The following FOXJ3 variants were observed in gnomAD, a reference collection of about 807,000 sequenced individuals.
The protein encoded by FOXJ3 is forkhead box protein J3.
In FOXJ3, 22 loss-of-function variants were observed where a neutral mutation model predicts 76.1. That is an observed-to-expected ratio of 0.29 (90% CI 0.21 to 0.41). The LOEUF (loss-of-function observed/expected upper bound fraction) is 0.41, where lower values mean the gene tolerates loss of function less well. Among genes scored for constraint, FOXJ3 ranks in the 10% least tolerant of loss-of-function variants. The pLI, the probability that FOXJ3 is intolerant of heterozygous loss-of-function variation, is 1.00. For synonymous variants in FOXJ3, 269 were observed against 261.2 expected (o/e 1.03, Z -0.29); for missense variants, 613 against 762.1 (o/e 0.80, Z 2.30).
chr1:42,325,112 A>G (rs979485999), intron 1 of FOXJ3, among the ~76,000 whole-genome samples: 1 of 152,216 alleles, frequency 6.6e-6, no homozygotes, highest in African/African-American at 2.4e-5. Context: ...CACAGTGTTA[A>G]GTATAGAGGA....
chr1:42,291,076 AGATAGAT>A (rs1247888832), intron 2 of FOXJ3, among the ~76,000 whole-genome samples: 68 of 108,990 alleles, frequency 6.2e-4, no homozygotes, highest in East Asian at 5.8e-4. Context: ...ATAGATAGAT[AGATAGAT>A]AGACAGACAG....
intron 2 of FOXJ3, among the ~76,000 whole-genome samples, chr1:42,284,440 C>T (rs1652923978): frequency 6.6e-6 from 1 of 152,146 alleles, no homozygotes; most frequent in African/African-American, 2.4e-5. Context: ...GAGAAATAAA[C>T]TTTGATTAGA....
chr1:42,191,771 C>T, intron 8 of FOXJ3, 52 bp from the exon 9 acceptor site: 4 of 1,568,770 alleles, frequency 2.5e-6, no homozygotes, highest in Non-Finnish European at 3.5e-6. Context: ...TATTTTATGA[C>T]AAACATTTGT....
intron 4 of FOXJ3, among the ~76,000 whole-genome samples, chr1:42,239,975 G>T (rs1207827584): frequency 1.3e-5 from 2 of 152,122 alleles, no homozygotes; most frequent in Non-Finnish European, 2.9e-5. Context: ...TGTAGTAGAT[G>T]ATTTTAAAGG....
At chr1:42,321,803 A>G (rs143025269) in intron 1 of FOXJ3, among the ~76,000 whole-genome samples, 81 of 152,282 alleles carry the variant, frequency 5.3e-4, no homozygotes, top group African/African-American at 1.9e-3. Context: ...CTCAAGAGGA[A>G]ACCAAACGTG....
chr1:42,277,580 G>A lies in FOXJ3; in HGVS notation c.369+768C>T, dbSNP rs868599982. On this transcript the variant is annotated intron_variant, in intron 3 of 12. Coordinates refer to ENST00000361346, the MANE Select transcript of FOXJ3 (RefSeq NM_014947.5). The stretch of plus-strand genomic sequence containing the variant: ...TGGGAGGCCGAGGCGGGCGGATCAC[G>A]AGGTCAGGAGATCGAGACCATCCCG... Among the ~76,000 whole-genome samples, 4 of 28,968 alleles carry A rather than the reference G, an allele frequency of 1.4e-4. 2 individuals carry two copies. Among genetic ancestry groups the A allele is most frequent in the African/African-American group, 4.0e-4 (4 of 10,032 alleles). 19.0% of individuals were successfully genotyped at this position (28,968 alleles called of 152,430 possible).
chr1:42,200,436 G>C (rs1026953411), intron 6 of FOXJ3, among the ~76,000 whole-genome samples: 8 of 151,752 alleles, frequency 5.3e-5, no homozygotes, highest in Non-Finnish European at 1.0e-4. Flanking sequence ...TATGTATTTG[G>C]AAGTATAAAT....
intron 2 of FOXJ3, among the ~76,000 whole-genome samples, chr1:42,310,511 G>T (rs556242139): frequency 1.3e-5 from 2 of 149,828 alleles, no homozygotes; most frequent in African/African-American, 4.9e-5. Context: ...GCAGTGGCAC[G>T]ATCTCAGCTG....
intron 1 of FOXJ3, among the ~76,000 whole-genome samples, chr1:42,318,893 T>C (rs1342105285): frequency 6.6e-6 from 1 of 152,014 alleles, no homozygotes; most frequent in African/African-American, 2.4e-5. Context: ...CACAGACAAA[T>C]CTGCACAAGA....
At chr1:42,197,101 C>T (rs1646666078) in intron 7 of FOXJ3, among the ~76,000 whole-genome samples, 2 of 152,106 alleles carry the variant, frequency 1.3e-5, no homozygotes, top group Non-Finnish European at 2.9e-5. Context: ...CTTTCTCTTG[C>T]CTTCACATAT....
Position 42,191,736 on chromosome 1 carries a change from A to AT in FOXJ3, c.935-18dup, listed in dbSNP as rs1646553058. 1 of 1,602,562 alleles carries AT rather than the reference A, an allele frequency of 6.2e-7. No homozygotes were observed. Among genetic ancestry groups the AT allele is most frequent in the Admixed American group, 1.7e-5 (1 of 59,728 alleles). Reference sequence around the variant, plus strand: ...TCATCAAACCTAAAAACAAAGCAAGATCATTTATGGTCAGATTTCAGTTGT... The same window carrying AT: ...TCATCAAACCTAAAAACAAAGCAAGATTCATTTATGGTCAGATTTCAGTTGT... On this transcript the variant is annotated splice_polypyrimidine_tract_variant and intron_variant, in intron 8 of 12. Coordinates refer to ENST00000361346, the MANE Select transcript of FOXJ3 (RefSeq NM_014947.5).
At chr1:42,322,861 A>C (rs1379940313) in intron 1 of FOXJ3, among the ~76,000 whole-genome samples, 1 of 152,208 alleles carries the variant, frequency 6.6e-6, no homozygotes, top group Non-Finnish European at 1.5e-5. Flanking sequence ...AACAGTATCC[A>C]GAAAAGGAGG....
chr1:42,232,910 G>C (rs1330826107), intron 4 of FOXJ3, among the ~76,000 whole-genome samples: 1 of 151,864 alleles, frequency 6.6e-6, no homozygotes, highest in African/African-American at 2.4e-5. Flanking sequence ...TTTTCTTCTA[G>C]GGTTTTTATG....
At chr1:42,320,529 T>C (rs1655368895) in intron 1 of FOXJ3, among the ~76,000 whole-genome samples, 1 of 152,184 alleles carries the variant, frequency 6.6e-6, no homozygotes, top group Non-Finnish European at 1.5e-5. Context: ...AAAAGGTATA[T>C]GAAATTAGAT....
At chr1:42,188,559 C>A (rs1448306521) in intron 11 of FOXJ3, among the ~76,000 whole-genome samples, 178 bp downstream of exon 11, 2 of 152,192 alleles carry the variant, frequency 1.3e-5, no homozygotes, top group Non-Finnish European at 2.9e-5. Flanking sequence ...CTCATTACCT[C>A]AATTTTTCTA....
At chr1:42,297,700 T>C (rs1653876374) in intron 2 of FOXJ3, among the ~76,000 whole-genome samples, 1 of 152,190 alleles carries the variant, frequency 6.6e-6, no homozygotes, top group South Asian at 2.1e-4. Context: ...ATTAGGGATA[T>C]TGGCCTGTGG....
At chr1:42,285,958 T>G (rs902503794) in intron 2 of FOXJ3, among the ~76,000 whole-genome samples, 3 of 152,214 alleles carry the variant, frequency 2.0e-5, no homozygotes, top group African/African-American at 7.2e-5. Context: ...TTGGCTCTGA[T>G]GAAAGGGACT....
chr1:42,252,063 G>A (rs866582434), intron 4 of FOXJ3, among the ~76,000 whole-genome samples: 1 of 152,290 alleles, frequency 6.6e-6, no homozygotes. Context: ...TGTTCATCAA[G>A]GATATTGGTC....
chr1:42,323,624 A>G (rs1655560969), intron 1 of FOXJ3: 1 of 785,972 alleles, frequency 1.3e-6, no homozygotes, highest in Non-Finnish European at 1.5e-6. Context: ...CTTCTCAGTA[A>G]ACCCATAGCT....
Sources: gnomAD v4.1 joint callset for allele counts (sites outside exome capture counted in the v4.1 genomes callset) on GRCh38, gnomAD v4.1.1 for gene constraint, MANE v1.5 for transcripts, NCBI Gene and HGNC (gene_info 2026-07-23, HGNC 2026-07-21) for gene names.